TRPM7: variants seen among roughly 807,000 people sequenced by gnomAD.
TRPM7 encodes the protein transient receptor potential cation channel subfamily M member 7.
TRPM7 carries 134 observed loss-of-function variants against 229.7 expected under a neutral mutation model. The observed-to-expected ratio is 0.58, with a 90% CI of 0.51 to 0.67. The LOEUF (loss-of-function observed/expected upper bound fraction) is 0.67. Among genes scored for constraint, TRPM7 ranks in the 30% least tolerant of loss-of-function variants. The probability of loss-of-function intolerance (pLI) is 0.00; values close to 1 mark genes in which losing one functional copy is unlikely to be tolerated. For synonymous variants in TRPM7, 699 were observed against 715.2 expected, an observed-to-expected ratio of 0.98 and a Z score of 0.36; for missense variants, 1,901 against 2,210.0, an observed-to-expected ratio of 0.86 and a Z score of 2.80.
intron 4 of TRPM7, among the ~76,000 whole-genome samples, chr15:50,648,280 C>G (rs925783275): frequency 6.6e-6 from 1 of 151,030 alleles, no homozygotes. Flanking sequence ...CAAAATAATA[C>G]AAGAAAAAAA....
intron 28 of TRPM7, among the ~76,000 whole-genome samples, chr15:50,585,212 C>G (rs1343389729): frequency 6.6e-6 from 1 of 152,116 alleles, no homozygotes; most frequent in Admixed American, 6.6e-5. Flanking sequence ...CAGGCGCCCG[C>G]CACCGCGCCC....
intron 1 of TRPM7, among the ~76,000 whole-genome samples, chr15:50,683,656 A>G (rs1272064675): frequency 6.6e-6 from 1 of 152,054 alleles, no homozygotes; most frequent in Non-Finnish European, 1.5e-5. Flanking sequence ...CGCTTGAACC[A>G]GGAGGCAGAG....
chr15:50,610,386 C>T (rs2060035416), intron 17 of TRPM7, among the ~76,000 whole-genome samples: 1 of 152,020 alleles, frequency 6.6e-6, no homozygotes, highest in Admixed American at 6.6e-5. Flanking sequence ...CAGCTTGTGC[C>T]TCTATAAACA....
rs780367418 is a variant in TRPM7 at position 50,599,311 on chromosome 15, ACACT to A, written c.2989-19_2989-16del. 6.3e-7 allele frequency: 1 copy of A among 1,583,512 alleles called. No individual in the cohort carries two copies. The highest frequency in any genetic ancestry group is 1.2e-5 in the South Asian group (1 of 86,440). The stretch of plus-strand genomic sequence containing the variant: ...ATATTGGCCACCTGTTAAAAAATGA[ACACT>A]GTTAAAATACAAGGAAGTTTAAACA... On this transcript the variant is annotated splice_polypyrimidine_tract_variant and intron_variant, in intron 21 of 38. Transcript: ENST00000646667.
Position 50,648,800 on chromosome 15 carries a change from G to A in TRPM7, c.208C>T (p.His70Tyr). The A allele has an allele frequency of 6.2e-7, 1 of 1,613,118 alleles. No individual in the cohort carries two copies. The highest frequency in any genetic ancestry group is 8.5e-7 in the Non-Finnish European group (1 of 1,179,484). The part of the protein sequence containing the change: ...MKYSDVKLGD[H>Y]FNQAIEEWSV... ...CATTCTTCTATTGCCTGATTAAAAT[G>A]GTCACCCAATTTCACATCTGAGTAT... The change falls in exon 4 of 39, where the codon CAT becomes TAT. Residue 70 changes from histidine to tyrosine, a missense_variant. Coordinates refer to ENST00000646667, the MANE Select transcript of TRPM7 (RefSeq NM_017672.6).
intron 26 of TRPM7, among the ~76,000 whole-genome samples, chr15:50,589,963 T>C (rs1287073665): frequency 6.6e-6 from 1 of 152,112 alleles, no homozygotes; most frequent in Non-Finnish European, 1.5e-5. Flanking sequence ...GTTCAAGCAA[T>C]TCTCCTGCCT....
At chr15:50,612,865 A>G (rs1226285332) in intron 15 of TRPM7, 36 bp from the exon 16 acceptor site, 1 of 1,554,768 alleles carries the variant, frequency 6.4e-7, no homozygotes, top group Non-Finnish European at 8.7e-7. Context: ...GCTCATTATA[A>G]TAAGGCCATA....
intron 7 of TRPM7, 148 bp from the exon 8 acceptor site, chr15:50,634,704 T>A (rs894415306): frequency 7.2e-6 from 4 of 552,834 alleles, no homozygotes; most frequent in Non-Finnish European, 1.2e-5. Flanking sequence ...TAAGACTATG[T>A]TGACTTGACT....
rs549471051 is a variant in TRPM7, at chr15:50,619,678, T to A, written c.1494+67A>T. On this transcript the variant is annotated intron_variant, in intron 13 of 38. Coordinates refer to ENST00000646667, the MANE Select transcript of TRPM7 (RefSeq NM_017672.6). ...AAATGTATTTAAATGATTTTTTTTT[T>A]AAAAAACATGAAATATAAATGATTT... 3.5e-3 allele frequency: 3,775 copies of A among 1,086,188 alleles called. 13 individuals carry two copies. The highest frequency in any genetic ancestry group is 0.014 in the African/African-American group (864 of 61,774). The allele number at this position is 1,086,188 out of a possible 1,614,324, so 67.3% of individuals were successfully genotyped here.
intron 38 of TRPM7, 21 bp downstream of exon 38, chr15:50,569,866 A>G: frequency 1.3e-6 from 2 of 1,535,584 alleles, no homozygotes; most frequent in East Asian, 4.5e-5. Flanking sequence ...TATATACTAT[A>G]CTGATTAAGA....
At chr15:50,663,406 G>A (rs1020840715) in intron 1 of TRPM7, among the ~76,000 whole-genome samples, 8 of 152,164 alleles carry the variant, frequency 5.3e-5, no homozygotes, top group Admixed American at 1.3e-4. Context: ...GATTACAGGC[G>A]TGAGCCACCG....
chr15:50,625,008 C>T (rs1705463853), intron 11 of TRPM7, among the ~76,000 whole-genome samples: 1 of 152,142 alleles, frequency 6.6e-6, no homozygotes, highest in Non-Finnish European at 1.5e-5. Context: ...TATAACACAT[C>T]TGTATCATTC....
At chr15:50,676,844 G>C (rs1201987016) in intron 1 of TRPM7, among the ~76,000 whole-genome samples, 3 of 152,116 alleles carry the variant, frequency 2.0e-5, no homozygotes, top group Non-Finnish European at 4.4e-5. Flanking sequence ...CGCAAGAGTT[G>C]AGAAAAGGAA....
chr15:50,625,296 T>C (rs771190747), intron 11 of TRPM7, among the ~76,000 whole-genome samples: 3 of 152,210 alleles, frequency 2.0e-5, no homozygotes, highest in Non-Finnish European at 2.9e-5. Context: ...TCTTATTCTA[T>C]CTTCAGAGGT....
At chr15:50,570,412 T>C (rs1170223891) in intron 36 of TRPM7, among the ~76,000 whole-genome samples, 1 of 152,192 alleles carries the variant, frequency 6.6e-6, no homozygotes, top group Non-Finnish European at 1.5e-5. Context: ...TAGGTAGGCA[T>C]TAAGTTCCTT....
At chr15:50,646,792 C>T (rs1286291184) in intron 4 of TRPM7, among the ~76,000 whole-genome samples, 2 of 152,182 alleles carry the variant, frequency 1.3e-5, no homozygotes, top group East Asian at 1.9e-4. Context: ...GAACTGCATA[C>T]ATAAGGTGGT....
In TRPM7 at chr15:50,592,579, T is replaced by C. The variant is rs200827767; in HGVS notation, c.3656A>G (p.Asn1219Ser). 989 of 1,606,632 alleles carry C rather than the reference T, an allele frequency of 6.2e-4. No individual in the cohort carries two copies. Among genetic ancestry groups the C allele is most frequent in the Non-Finnish European group, 7.9e-4 (928 of 1,179,146 alleles). Residue 1219 changes from asparagine (N) to serine (S), a missense_variant, in exon 26 of 39, where the codon AAC (asparagine) becomes AGC (serine). Asn to Ser is a conservative substitution (Grantham distance 46, BLOSUM62 1). Around this residue, in one of 8 missense-constraint regions of TRPM7, gnomAD observed 533 missense variants for 497.1 expected, o/e 1.07. Transcript: ENST00000646667. ...IQIKEVGDRV[N>S]YIKRSLQSLD... is the part of the protein sequence containing the mutation. ...TGATTGTAATGATCTTTTTATGTAG[T>C]TGACACGATCTCCAACTTCTTTAAT...
At chr15:50,639,709 G>T (rs1472066918) in intron 5 of TRPM7, among the ~76,000 whole-genome samples, 161 bp from the exon 6 acceptor site, 1 of 151,870 alleles carries the variant, frequency 6.6e-6, no homozygotes, top group Non-Finnish European at 1.5e-5. Context: ...TGGGACTACA[G>T]GTGCGTGCTA....
At position 50,633,474 on chromosome 15, in the gene TRPM7, ATT is replaced by A. The variant is rs530297623; in HGVS notation, c.1008-484_1008-483del. Among the ~76,000 whole-genome samples the A allele has an allele frequency of 4.3e-3, 650 of 152,284 alleles. 2 individuals are homozygous for A. Among genetic ancestry groups the A allele is most frequent in the African/African-American group, 0.015 (634 of 41,556 alleles). On this transcript the variant is annotated intron_variant, in intron 8 of 38. Transcript: ENST00000646667. Reference sequence around the variant, plus strand: ...TCATCTGCCCAGTTCTATCACAACTATTTTTAGGAATCATTTACTTATATATA... The same window carrying A: ...TCATCTGCCCAGTTCTATCACAACTATTTAGGAATCATTTACTTATATATA...
Sources: gnomAD v4.1 joint callset for allele counts (sites outside exome capture counted in the v4.1 genomes callset) on GRCh38, gnomAD v4.1.1 for gene constraint, gnomAD v4.1.1 regional missense constraint, MANE v1.5 for transcripts, NCBI Gene and HGNC (gene_info 2026-07-23, HGNC 2026-07-21) for gene names.